DNAAF11: variants seen among roughly 807,000 people sequenced by gnomAD.
DNAAF11 encodes the protein dynein axonemal assembly factor 11.
Under a neutral mutation model 60.8 loss-of-function variants are expected in DNAAF11, and 45 were observed. The ratio of observed to expected loss-of-function variants is 0.74; its 90% CI spans 0.58 to 0.95. The LOEUF (loss-of-function observed/expected upper bound fraction) is 0.95. DNAAF11 is among the 40% of genes least tolerant of loss of function. The pLI is 0.00. For synonymous variants in DNAAF11, 191 were observed against 183.5 expected (o/e 1.04, Z -0.33); for missense variants, 546 against 546.2 (o/e 1.00, Z 0.00).
At chr8:132,602,344 CA>C (rs1439699051) in intron 10 of DNAAF11, among the ~76,000 whole-genome samples, 2 of 152,066 alleles carry the variant, frequency 1.3e-5, no homozygotes, top group African/African-American at 4.8e-5. Context: ...AGCTGGTGCA[CA>C]AATGTCCCAG....
chr8:132,635,622 CA>C (rs993604285), intron 4 of DNAAF11, among the ~76,000 whole-genome samples: 1 of 151,794 alleles, frequency 6.6e-6, no homozygotes, highest in African/African-American at 2.4e-5. Context: ...GTTGAATTGA[CA>C]AAAAAAGATG....
chr8:132,623,355 T>C (rs1819944731), intron 6 of DNAAF11, among the ~76,000 whole-genome samples: 2 of 151,958 alleles, frequency 1.3e-5, no homozygotes, highest in African/African-American at 4.8e-5. Flanking sequence ...AAAATATAAA[T>C]CCATTTTTGT....
Position 132,675,427 on chromosome 8 carries a change from C to CCCGGGACTA in DNAAF11, c.10+48_10+56dup, listed in dbSNP as rs1825701263. 1.6e-5 allele frequency: 25 copies of CCCGGGACTA among 1,539,504 alleles called. 1 individual carries two copies. The South Asian group carries it at 2.9e-4, about 18-fold the overall frequency. ...AGCGGGCGGCGAGGATCCCACGAGACCCGGGACTACTTCCACAAGGGGAAC... is the reference window on the plus strand; with the variant it reads ...AGCGGGCGGCGAGGATCCCACGAGACCCGGGACTACCGGGACTACTTCCACAAGGGGAAC... On this transcript the variant is annotated intron_variant, in intron 1 of 11. Coordinates refer to ENST00000620350, the MANE Select transcript of DNAAF11 (RefSeq NM_012472.6).
chr8:132,632,027 TAA>T (rs879810400), intron 5 of DNAAF11, among the ~76,000 whole-genome samples: 2 of 140,760 alleles, frequency 1.4e-5, no homozygotes, highest in Non-Finnish European at 3.1e-5. Context: ...TAAAAAAAAG[TAA>T]AAAAAAAAAA....
chr8:132,637,935 C>G lies in DNAAF11; in HGVS notation c.429G>C (p.Lys143Asn). 1.9e-6 allele frequency: 3 copies of G among 1,603,700 alleles called. No homozygotes were observed. Among genetic ancestry groups the G allele is most frequent in the Non-Finnish European group, 2.6e-6 (3 of 1,175,208 alleles). Residue 143 changes from lysine to asparagine, a missense_variant and splice_region_variant, in exon 4 of 12, where the codon AAG (lysine) becomes AAC (asparagine). Physicochemically the swap from Lys to Asn is moderately conservative, Grantham distance 94 (BLOSUM62 0). Coordinates refer to ENST00000620350, the MANE Select transcript of DNAAF11 (RefSeq NM_012472.6). ...TTCTGCACCATTAAAAGAACCATAC[C>G]TTTAATTGTGGAAGAGTTGCTACCA... is the stretch of plus-strand genomic sequence containing the variant. The part of the protein sequence containing the change: ...EFVVATLPQL[K>N]WLDGKEIEPS...
chr8:132,643,184 C>A (rs985412411), intron 3 of DNAAF11, among the ~76,000 whole-genome samples: 1 of 152,228 alleles, frequency 6.6e-6, no homozygotes, highest in Admixed American at 6.5e-5. Context: ...CCAGAGGTAT[C>A]GGTTCTCTAC....
At position 132,637,977 on chromosome 8, in the gene DNAAF11, G is replaced by A; in HGVS notation, c.387C>T (p.Asp129=). The change falls in exon 4 of 12, where the codon GAC becomes GAT. Residue 129 remains aspartate, a synonymous_variant. Transcript: ENST00000620350. ...FLMGNPCASF[D]HYREFVVATL... Reference sequence around the variant, plus strand: ...TTGCTACCACGAACTCCCTATAGTGGTCAAAGGAAGCACATGGGTTCCCCA... The same window carrying A: ...TTGCTACCACGAACTCCCTATAGTGATCAAAGGAAGCACATGGGTTCCCCA... The A allele has an allele frequency of 6.2e-7, 1 of 1,614,078 alleles. No individual in the cohort carries two copies. Among genetic ancestry groups the A allele is most frequent in the Non-Finnish European group, 8.5e-7 (1 of 1,179,982 alleles).
At chr8:132,657,707 T>C (rs1301981314) in intron 2 of DNAAF11, among the ~76,000 whole-genome samples, 1 of 152,158 alleles carries the variant, frequency 6.6e-6, no homozygotes, top group African/African-American at 2.4e-5. Flanking sequence ...TAGTTAATAA[T>C]ACCATAGCAA....
intron 7 of DNAAF11, among the ~76,000 whole-genome samples, chr8:132,619,174 C>A (rs1475226539): frequency 6.6e-6 from 1 of 152,114 alleles, no homozygotes; most frequent in African/African-American, 2.4e-5. Flanking sequence ...TGGAAATCAT[C>A]ATTCTCAGTA....
chr8:132,654,744 G>A (rs773399433), intron 3 of DNAAF11, among the ~76,000 whole-genome samples: 3 of 147,776 alleles, frequency 2.0e-5, no homozygotes, highest in African/African-American at 7.4e-5. Flanking sequence ...TAAAACAAAA[G>A]CACAACATAT....
chr8:132,675,324 C>A, intron 1 of DNAAF11, 160 bp downstream of exon 1: 1 of 686,976 alleles, frequency 1.5e-6, no homozygotes, highest in East Asian at 3.0e-5. Flanking sequence ...GGACCTGGTG[C>A]AGCCGGGGCT....
chr8:132,629,222 A>T (rs1202057030), intron 5 of DNAAF11, among the ~76,000 whole-genome samples: 1 of 152,208 alleles, frequency 6.6e-6, no homozygotes, highest in South Asian at 2.1e-4. Flanking sequence ...CTGAGAATAG[A>T]AGGAAGCTTA....
At chr8:132,658,917 G>T (rs1038947639) in intron 2 of DNAAF11, among the ~76,000 whole-genome samples, 1 of 152,156 alleles carries the variant, frequency 6.6e-6, no homozygotes, top group African/African-American at 2.4e-5. Context: ...GAGCCTCTTG[G>T]GTAGGGAAAA....
chr8:132,618,728 C>A (rs1348735445), intron 7 of DNAAF11, among the ~76,000 whole-genome samples: 1 of 151,720 alleles, frequency 6.6e-6, no homozygotes, highest in Non-Finnish European at 1.5e-5. Context: ...CAGAGAAATG[C>A]AAATCAAAAC....
chr8:132,625,973 T>C (rs896397264), intron 5 of DNAAF11, among the ~76,000 whole-genome samples: 2 of 152,184 alleles, frequency 1.3e-5, no homozygotes, highest in Non-Finnish European at 2.9e-5. Flanking sequence ...AGCAGGCAAA[T>C]TGGATCACAT....
chr8:132,615,018 T>C lies in DNAAF11; in HGVS notation c.974+20A>G, dbSNP rs1819002338. 3 of 1,501,784 alleles carry C rather than the reference T, an allele frequency of 2.0e-6. No individual in the cohort carries two copies. The highest frequency in any genetic ancestry group is 9.2e-7 in the Non-Finnish European group (1 of 1,090,694). The allele number at this position is 1,501,784 out of a possible 1,614,324, so 93.0% of individuals were successfully genotyped here. On this transcript the variant is annotated intron_variant, in intron 8 of 11. Transcript: ENST00000620350. Reference sequence around the variant, plus strand: ...AACAGACAGAAATGTCATAAATAAATACGTAGAAAATGTCTTTACCTATAG... The same window carrying C: ...AACAGACAGAAATGTCATAAATAAACACGTAGAAAATGTCTTTACCTATAG...
At chr8:132,700,783 C>T in the DNAAF11 span, among the ~76,000 whole-genome samples, 1 of 152,148 alleles carries the variant, frequency 6.6e-6, no homozygotes, top group African/African-American at 2.4e-5. Context: ...GGTTTGAGAT[C>T]AGTAGCCTTA....
rs1250545439 is a variant in DNAAF11 at position 132,638,028 on chromosome 8, A to G, written c.336T>C (p.Asn112=). ...ELSSIKNLQH[N]IHLKELFLMG... is the part of the protein sequence containing the mutation. ...TGAGAAAGAGCTCCTTCAGATGGAT[A>G]TTGTGCTGCAAGTTTTTAATGCTGC... The change falls in exon 4 of 12, where the codon AAT becomes AAC. Residue 112 remains asparagine, a synonymous_variant. Transcript: ENST00000620350. The G allele has an allele frequency of 1.9e-6, 3 of 1,614,150 alleles. No homozygotes were observed. Among genetic ancestry groups the G allele is most frequent in the Non-Finnish European group, 2.5e-6 (3 of 1,179,974 alleles).
intron 7 of DNAAF11, among the ~76,000 whole-genome samples, chr8:132,617,342 CA>C (rs1819271610): frequency 6.6e-6 from 1 of 152,038 alleles, no homozygotes; most frequent in Admixed American, 6.6e-5. Flanking sequence ...GATGAGCAGT[CA>C]GTAAGATAGA....
Sources: gnomAD v4.1 joint callset for allele counts (sites outside exome capture counted in the v4.1 genomes callset) on GRCh38, gnomAD v4.1.1 for gene constraint, MANE v1.5 for transcripts, NCBI Gene and HGNC (gene_info 2026-07-23, HGNC 2026-07-21) for gene names.